Variants in DMP1 observed in about 807,000 individuals in gnomAD.
The protein encoded by DMP1 is dentin matrix protein 1.
Under a neutral mutation model 14.6 loss-of-function variants are expected in DMP1, and 20 were observed. That is an observed-to-expected ratio of 1.37 (90% CI 0.96 to 1.99). The LOEUF is 1.99. Ranked by LOEUF, DMP1 falls within the 30% of genes most tolerant of loss-of-function variation. The probability of loss-of-function intolerance (pLI) is 0.00; values close to 1 mark genes in which losing one functional copy is unlikely to be tolerated. For missense variants in DMP1, 567 were observed against 620.5 expected (o/e 0.91, Z 0.92); for synonymous variants, 197 against 215.3 (o/e 0.91, Z 0.75).
chr4:87,653,415 AT>A (rs1213019823), intron 1 of DMP1, among the ~76,000 whole-genome samples: 4 of 112,210 alleles, frequency 3.6e-5, no homozygotes, highest in Non-Finnish European at 7.3e-5. Context: ...ATATATATAT[AT>A]ATATATATAT....
In DMP1 at chr4:87,659,248, C is replaced by G. The variant is rs1485458009; in HGVS notation, c.131C>G (p.Pro44Arg). Residue 44 changes from proline (P) to arginine (R), a missense_variant, in exon 4 of 6, where the codon CCC becomes CGC. Coordinates refer to ENST00000339673, the MANE Select transcript of DMP1 (RefSeq NM_004407.4). ...CATTTGGCTCAGGCACCAACACCAC[C>G]CTTGGTAACTATCTCATTTACTTTT... Reference protein sequence around the residue: ...KGHLAQAPTPPLESSESSEGS... With the variant: ...KGHLAQAPTPRLESSESSEGS... 6.2e-7 allele frequency: 1 copy of G among 1,613,990 alleles called. No individual in the cohort carries two copies. The highest frequency in any genetic ancestry group is 1.3e-5 in the African/African-American group (1 of 74,996).
chr4:87,661,655 T>TTC (rs1447141336), intron 5 of DMP1, among the ~76,000 whole-genome samples: 1 of 151,008 alleles, frequency 6.6e-6, no homozygotes, highest in East Asian at 1.9e-4. Flanking sequence ...GAGTTTTTTT[T>TTC]TTTTTTTTAA....
rs897748905 is a variant in DMP1, at chr4:87,659,034, C to G, written c.103-186C>G. On this transcript the variant is annotated intron_variant, in intron 3 of 5. Coordinates refer to ENST00000339673, the MANE Select transcript of DMP1 (RefSeq NM_004407.4). Reference sequence around the variant, plus strand: ...GGTCTCTTATATCCCAAGATCTTTTCAAGCCATTAGTCATTTTACTTTCCT... The same window carrying G: ...GGTCTCTTATATCCCAAGATCTTTTGAAGCCATTAGTCATTTTACTTTCCT... The G allele has an allele frequency of 4.7e-6, 3 of 638,220 alleles. No individual in the cohort carries two copies. In the African/African-American group the frequency reaches 5.5e-5, roughly 12 times the overall value. The allele number at this position is 638,220 out of a possible 1,614,324, so 39.5% of individuals were successfully genotyped here.
chr4:87,661,175 C>A (rs1208862412), intron 5 of DMP1, among the ~76,000 whole-genome samples: 1 of 136,870 alleles, frequency 7.3e-6, no homozygotes, highest in Non-Finnish European at 1.5e-5. Context: ...GTAACTGGGA[C>A]TACAGGTTTG....
chr4:87,664,047 T>G lies in DMP1; in HGVS notation c.*727T>G, dbSNP rs142025086. Reference sequence around the variant, plus strand: ...GGATAAGAAAATCTTTTTCTCCCAATTAATTTACCAATTCATCATTTTTTT... The same window carrying G: ...GGATAAGAAAATCTTTTTCTCCCAAGTAATTTACCAATTCATCATTTTTTT... On this transcript the variant is annotated 3_prime_UTR_variant, in exon 6 of 6. Coordinates refer to ENST00000339673, the MANE Select transcript of DMP1 (RefSeq NM_004407.4). 1.4e-5 allele frequency: 2 copies of G among 142,238 alleles called. No homozygotes were observed. Among genetic ancestry groups the G allele is most frequent in the Non-Finnish European group, 3.0e-5 (2 of 66,526 alleles). The allele number at this position is 142,238 out of a possible 1,614,324, so 8.8% of individuals were successfully genotyped here. A position where few individuals can be genotyped will look rare whatever the true frequency, so the allele number is the denominator to read the frequency against.
intron 1 of DMP1, among the ~76,000 whole-genome samples, chr4:87,653,807 G>A (rs753220842): frequency 6.6e-6 from 1 of 151,818 alleles, no homozygotes; most frequent in Non-Finnish European, 1.5e-5. Context: ...AGGGGCCAAG[G>A]GAAAACTTCC....
intron 1 of DMP1, among the ~76,000 whole-genome samples, chr4:87,654,845 G>A (rs1449064171): frequency 6.6e-6 from 1 of 152,186 alleles, no homozygotes; most frequent in Admixed American, 6.5e-5. Flanking sequence ...GTGAGAAGAG[G>A]AATGACTTTT....
At chr4:87,650,665 G>A (rs183871790) in intron 1 of DMP1, among the ~76,000 whole-genome samples, 2 of 152,208 alleles carry the variant, frequency 1.3e-5, no homozygotes, top group African/African-American at 2.4e-5. Flanking sequence ...TATAGAACAG[G>A]AGGCAGATGG....
chr4:87,663,385 A>G lies in DMP1; in HGVS notation c.*65A>G. 6.2e-7 allele frequency: 1 copy of G among 1,609,546 alleles called. No homozygotes were observed. The highest frequency in any genetic ancestry group is 2.2e-5 in the East Asian group (1 of 44,850). ...CTTAGGGACTTGAAAATGTATCATGATAACTATAATTTATTGATGTTTTGA... is the reference window on the plus strand; with the variant it reads ...CTTAGGGACTTGAAAATGTATCATGGTAACTATAATTTATTGATGTTTTGA... On this transcript the variant is annotated 3_prime_UTR_variant, in exon 6 of 6. Transcript: ENST00000339673.
At position 87,662,649 on chromosome 4, in the gene DMP1, G is replaced by A. The variant is rs780697576; in HGVS notation, c.871G>A (p.Val291Ile). The A allele has an allele frequency of 9.3e-6, 15 of 1,614,054 alleles. No individual in the cohort carries two copies. Among genetic ancestry groups the A allele is most frequent in the South Asian group, 8.8e-5 (8 of 91,086 alleles). Residue 291 changes from valine (V) to isoleucine (I), a missense_variant, in exon 6 of 6, where the codon GTC becomes ATC. By Grantham distance (29) the Val-to-Ile change is conservative. Transcript: ENST00000339673. Reference sequence around the variant, plus strand: ...TGATGACAACAACACAATGGAAGAAGTCAAGAGTGACTCTACAGAAAACAG... The same window carrying A: ...TGATGACAACAACACAATGGAAGAAATCAAGAGTGACTCTACAGAAAACAG... The part of the protein sequence containing the change: ...ELDDNNTMEE[V>I]KSDSTENSNS...
Position 87,662,605 on chromosome 4 carries a change from A to T in DMP1, c.827A>T (p.Glu276Val). 6.2e-7 allele frequency: 1 copy of T among 1,614,154 alleles called. No individual in the cohort carries two copies. The highest frequency in any genetic ancestry group is 8.5e-7 in the Non-Finnish European group (1 of 1,180,034). The change falls in exon 6 of 6, where the codon GAA becomes GTA. Residue 276 changes from glutamate to valine, a missense_variant. Physicochemically the swap from Glu to Val is moderately radical, Grantham distance 121. Transcript: ENST00000339673. ...TTTAGGAAGTCTCGCATCTCAGAGG[A>T]AGATGACAGAAGCGAGCTTGATGAC... ...KIFRKSRISE[E>V]DDRSELDDNN... is the part of the protein sequence containing the mutation.
chr4:87,653,298 T>C (rs1560489152), intron 1 of DMP1, among the ~76,000 whole-genome samples: 1 of 149,724 alleles, frequency 6.7e-6, no homozygotes, highest in Non-Finnish European at 1.5e-5. Flanking sequence ...ATTTCTATTA[T>C]TTTATTGAAT....
intron 1 of DMP1, 94 bp downstream of exon 1, chr4:87,650,478 T>A (rs1259347280): frequency 6.6e-6 from 1 of 152,228 alleles, no homozygotes; most frequent in Admixed American, 6.5e-5. Context: ...CATTATACCA[T>A]GTAGAGAGAG....
At chr4:87,653,388 TATA>T (rs1728575984) in intron 1 of DMP1, among the ~76,000 whole-genome samples, 1 of 11,682 alleles carries the variant, frequency 8.6e-5, no homozygotes, top group Non-Finnish European at 1.6e-4. Flanking sequence ...TATCGAGTGA[TATA>T]TATATATATA....
At chr4:87,652,979 T>A (rs185894939) in intron 1 of DMP1, among the ~76,000 whole-genome samples, 58 of 152,308 alleles carry the variant, frequency 3.8e-4, no homozygotes, top group African/African-American at 1.3e-3. Context: ...ACACATTTTT[T>A]AAAAAGTTTT....
At chr4:87,658,993 A>C in intron 3 of DMP1, 1 of 579,576 alleles carries the variant, frequency 1.7e-6, no homozygotes. Context: ...AATATCAGAA[A>C]TATAAACATT....
At chr4:87,656,395 T>C (rs1728694805) in intron 1 of DMP1, 77 bp from the exon 2 acceptor site, 3 of 828,926 alleles carry the variant, frequency 3.6e-6, no homozygotes, top group Admixed American at 3.4e-5. Flanking sequence ...GAATTTTTAG[T>C]AGGAAGAAAC....
Position 87,662,459 on chromosome 4 carries a change from G to A in DMP1, c.681G>A (p.Arg227=). ...SDDPESIRSE[R]GNSRMNSAGM... ...ACCCAGAGAGCATCAGGAGTGAAAG[G>A]GGAAACTCCAGAATGAACAGTGCAG... is the stretch of plus-strand genomic sequence containing the variant. Residue 227 remains arginine, a synonymous_variant, in exon 6 of 6, where the codon AGG becomes AGA. Transcript: ENST00000339673. 6.2e-7 allele frequency: 1 copy of A among 1,614,132 alleles called. No homozygotes were observed. The highest frequency in any genetic ancestry group is 8.5e-7 in the Non-Finnish European group (1 of 1,180,024).
At chr4:87,651,610 T>C (rs980727932) in intron 1 of DMP1, among the ~76,000 whole-genome samples, 12 of 152,130 alleles carry the variant, frequency 7.9e-5, no homozygotes, top group Non-Finnish European at 1.2e-4. Flanking sequence ...TAAAGTTTCC[T>C]GCTAATGTAC....
Sources: allele counts gnomAD v4.1 joint callset (sites outside exome capture counted in the v4.1 genomes callset), GRCh38; gene constraint gnomAD v4.1.1; transcripts MANE v1.5; gene names NCBI Gene and HGNC (gene_info 2026-07-23, HGNC 2026-07-21).